The following PRR14L variants were observed in gnomAD, a reference collection of about 807,000 sequenced individuals.
PRR14L encodes proline rich 14 like.
PRR14L carries 80 observed loss-of-function variants against 155.0 expected under a neutral mutation model. The observed-to-expected ratio is 0.52, with a 90% CI of 0.43 to 0.62. The LOEUF (loss-of-function observed/expected upper bound fraction) is 0.62, where lower values mean the gene tolerates loss of function less well. Ranked by LOEUF, PRR14L falls within the 20% of genes least tolerant of loss-of-function variation. The probability of loss-of-function intolerance (pLI) is 0.00; values close to 1 mark genes in which losing one functional copy is unlikely to be tolerated. For synonymous variants in PRR14L, 883 were observed against 916.0 expected, an observed-to-expected ratio of 0.96 and a Z score of 0.65; for missense variants, 2,469 against 2,548.0, an observed-to-expected ratio of 0.97 and a Z score of 0.67.
chr22:31,708,109 A>C (rs2147860308), intron 4 of PRR14L, among the ~76,000 whole-genome samples: 1 of 152,052 alleles, frequency 6.6e-6, no homozygotes, highest in South Asian at 2.1e-4. Flanking sequence ...AGATTGCACC[A>C]CTGCACTCCA....
At chr22:31,711,945 A>C in intron 4 of PRR14L, 138 bp downstream of exon 4, 1 of 786,548 alleles carries the variant, frequency 1.3e-6, no homozygotes, top group Non-Finnish European at 2.0e-6. Flanking sequence ...TTCTCAGCAG[A>C]GATTTCGCAA....
chr22:31,732,275 C>T (rs1350385665), intron 2 of PRR14L, among the ~76,000 whole-genome samples: 1 of 152,174 alleles, frequency 6.6e-6, no homozygotes, highest in Non-Finnish European at 1.5e-5. Context: ...ACAGAGCAGG[C>T]CTGACTGCTG....
chr22:31,686,909 A>T (rs2074484922), intron 8 of PRR14L, among the ~76,000 whole-genome samples: 2 of 152,248 alleles, frequency 1.3e-5, no homozygotes, highest in Non-Finnish European at 2.9e-5. Flanking sequence ...ACTTGAATTG[A>T]ATTCAGACCT....
intron 4 of PRR14L, among the ~76,000 whole-genome samples, chr22:31,708,841 T>C (rs1345657524): frequency 6.6e-6 from 1 of 152,072 alleles, no homozygotes; most frequent in Non-Finnish European, 1.5e-5. Context: ...TTTTTTATTT[T>C]TTGAGACGGA....
In PRR14L at chr22:31,712,192, T is replaced by G. The variant is rs1488529591; in HGVS notation, c.5647A>C (p.Arg1883=). 1 of 1,614,002 alleles carries G rather than the reference T, an allele frequency of 6.2e-7. No homozygotes were observed. The highest frequency in any genetic ancestry group is 8.5e-7 in the Non-Finnish European group (1 of 1,180,006). Residue 1883 remains arginine (R), a synonymous_variant, in exon 4 of 9, where the codon AGA becomes CGA. Coordinates refer to ENST00000327423, the MANE Select transcript of PRR14L (RefSeq NM_173566.3). ...VFCSLPYSVG[R]VLSIWSQHGP... Reference sequence around the variant, plus strand: ...TGCTGGCTCCAAATGGATAGGACTCTGCCCACCGAGTAGGGCAGAGAACAG... The same window carrying G: ...TGCTGGCTCCAAATGGATAGGACTCGGCCCACCGAGTAGGGCAGAGAACAG...
intron 7 of PRR14L, among the ~76,000 whole-genome samples, chr22:31,689,849 C>T (rs1041165723): frequency 6.6e-6 from 1 of 152,136 alleles, no homozygotes; most frequent in East Asian, 1.9e-4. Flanking sequence ...CGGGTTCAAG[C>T]GATTCTCCTG....
chr22:31,712,132 G>A lies in PRR14L; in HGVS notation c.5707C>T (p.Leu1903Phe). 1 of 1,614,010 alleles carries A rather than the reference G, an allele frequency of 6.2e-7. No homozygotes were observed. Among genetic ancestry groups the A allele is most frequent in the Non-Finnish European group, 8.5e-7 (1 of 1,179,982 alleles). ...PSVCSFEISS[L>F]HSPHCKRQPS... ...TGCCGCTTGCAGTGAGGGGAATGAA[G>A]AGAAGAGATTTCGAAGGAGCAGACA... Residue 1903 changes from leucine to phenylalanine, a missense_variant, in exon 4 of 9, where the codon CTT becomes TTT. Coordinates refer to ENST00000327423, the MANE Select transcript of PRR14L (RefSeq NM_173566.3).
intron 6 of PRR14L, among the ~76,000 whole-genome samples, chr22:31,702,357 G>C (rs1401559681): frequency 6.6e-6 from 1 of 152,148 alleles, no homozygotes; most frequent in African/African-American, 2.4e-5. Context: ...TGAGTAGCTG[G>C]AATTACAGGC....
At chr22:31,709,993 T>C (rs2074612717) in intron 4 of PRR14L, among the ~76,000 whole-genome samples, 1 of 151,688 alleles carries the variant, frequency 6.6e-6, no homozygotes, top group Non-Finnish European at 1.5e-5. Flanking sequence ...TAGGCTAGAG[T>C]GTAGTGGTGT....
chr22:31,738,868 G>A lies in PRR14L; in HGVS notation c.-8C>T. Reference sequence around the variant, plus strand: ...TACTCCAGATGACAGCATTAGGACAGATGCAGATTATGGAGTCAAGTCTTT... The same window carrying A: ...TACTCCAGATGACAGCATTAGGACAAATGCAGATTATGGAGTCAAGTCTTT... On this transcript the variant is annotated 5_prime_UTR_variant, in exon 2 of 9. Coordinates refer to ENST00000327423, the MANE Select transcript of PRR14L (RefSeq NM_173566.3). The A allele has an allele frequency of 3.3e-6, 5 of 1,501,254 alleles. No individual in the cohort carries two copies. The highest frequency in any genetic ancestry group is 4.5e-6 in the Non-Finnish European group (5 of 1,115,672). 93.0% of individuals were successfully genotyped at this position (1,501,254 alleles called of 1,614,324 possible).
intron 3 of PRR14L, among the ~76,000 whole-genome samples, chr22:31,718,731 T>C (rs2074674211): frequency 6.6e-6 from 1 of 151,916 alleles, no homozygotes; most frequent in African/African-American, 2.4e-5. Context: ...TATATATATA[T>C]ATAAAAAACA....
At chr22:31,729,739 T>C (rs948658243) in intron 2 of PRR14L, among the ~76,000 whole-genome samples, 3 of 152,186 alleles carry the variant, frequency 2.0e-5, no homozygotes, top group African/African-American at 4.8e-5. Context: ...GAATGGTTGT[T>C]GTCAAAGACG....
intron 3 of PRR14L, among the ~76,000 whole-genome samples, chr22:31,719,420 A>C (rs922485291): frequency 6.6e-6 from 1 of 151,616 alleles, no homozygotes; most frequent in Non-Finnish European, 1.5e-5. Context: ...TCTCAAAAAA[A>C]AGAAAAAAAA....
chr22:31,715,428 G>C lies in PRR14L; in HGVS notation c.2411C>G (p.Ser804Cys), dbSNP rs1035369924. Residue 804 changes from serine (S) to cysteine (C), a missense_variant, in exon 4 of 9, where the codon TCT becomes TGT. Around this residue, in one of 2 missense-constraint regions of PRR14L, gnomAD observed 2,363 missense variants for 2,371.6 expected, o/e 1.00. Coordinates refer to ENST00000327423, the MANE Select transcript of PRR14L (RefSeq NM_173566.3). Reference protein sequence around the residue: ...NVSQENMCSASAAFKSSKISL... With the variant: ...NVSQENMCSACAAFKSSKISL... The stretch of plus-strand genomic sequence containing the variant: ...GATTTTGCTGGACTTGAAAGCAGCA[G>C]AAGCAGAACACATGTTTTCCTGGGA... The C allele has an allele frequency of 3.9e-6, 6 of 1,552,210 alleles. No homozygotes were observed. In the East Asian group the frequency reaches 7.3e-5, roughly 19 times the overall value.
At position 31,738,769 on chromosome 22, in the gene PRR14L, C is replaced by A; in HGVS notation, c.92G>T (p.Ser31Ile). Residue 31 changes from serine to isoleucine, a missense_variant, in exon 2 of 9, where the codon AGT becomes ATT. Around this residue, in one of 2 missense-constraint regions of PRR14L, gnomAD observed 2,363 missense variants for 2,371.6 expected, o/e 1.00. Coordinates refer to ENST00000327423, the MANE Select transcript of PRR14L (RefSeq NM_173566.3). ...VQELYSELPV[S>I]VSRELHADPE... ...GTCAGCATGAAGCTCTCTGGAGACACTTACTGGGAGTTCAGAGTATAATTC... is the reference window on the plus strand; with the variant it reads ...GTCAGCATGAAGCTCTCTGGAGACAATTACTGGGAGTTCAGAGTATAATTC... 1 of 1,551,928 alleles carries A rather than the reference C, an allele frequency of 6.4e-7. No homozygotes were observed. The highest frequency in any genetic ancestry group is 8.7e-7 in the Non-Finnish European group (1 of 1,147,056).
intron 2 of PRR14L, among the ~76,000 whole-genome samples, chr22:31,738,012 TA>T (rs34019627): frequency 2.1e-3 from 280 of 136,078 alleles, no homozygotes; most frequent in South Asian, 6.4e-3. Context: ...GAGACCTTCT[TA>T]AAAAAAAAAA....
At chr22:31,692,413 A>T (rs1490085850) in intron 7 of PRR14L, among the ~76,000 whole-genome samples, 3 of 152,004 alleles carry the variant, frequency 2.0e-5, no homozygotes, top group Non-Finnish European at 2.9e-5. Context: ...TTCCCTGATG[A>T]CTCATGATGT....
At chr22:31,693,504 T>C (rs751539253) in intron 7 of PRR14L, among the ~76,000 whole-genome samples, 34 of 152,254 alleles carry the variant, frequency 2.2e-4, no homozygotes, top group Admixed American at 6.5e-4. Context: ...TTCCAAGTTT[T>C]AGAAATTCTG....
rs536840301 is a variant in PRR14L, at chr22:31,726,125, G to C, written c.475-515C>G. Among the ~76,000 whole-genome samples the C allele has an allele frequency of 7.9e-5, 12 of 151,986 alleles. No individual in the cohort carries two copies. In the South Asian group the frequency reaches 2.3e-3, roughly 29 times the overall value. On this transcript the variant is annotated intron_variant, in intron 2 of 8. Coordinates refer to ENST00000327423, the MANE Select transcript of PRR14L (RefSeq NM_173566.3). Reference sequence around the variant, plus strand: ...TTGAGCCTGAAAACTTTTTAAAGTTGTGACAATAACAGAGGTCTAAAAAAA... The same window carrying C: ...TTGAGCCTGAAAACTTTTTAAAGTTCTGACAATAACAGAGGTCTAAAAAAA...
Sources: gnomAD v4.1 joint callset for allele counts (sites outside exome capture counted in the v4.1 genomes callset) on GRCh38, gnomAD v4.1.1 for gene constraint, gnomAD v4.1.1 regional missense constraint, MANE v1.5 for transcripts, NCBI Gene and HGNC (gene_info 2026-07-23, HGNC 2026-07-21) for gene names.